The following MZT2B variants were observed in gnomAD, a reference collection of about 807,000 sequenced individuals.
MZT2B encodes the protein mitotic-spindle organizing protein 2B.
In MZT2B, 11 loss-of-function variants were observed where a neutral mutation model predicts 12.1. The observed-to-expected ratio is 0.91, with a 90% CI of 0.57 to 1.50. MZT2B has a LOEUF of 1.50. MZT2B is among the 40% of genes most tolerant of loss of function. The pLI is 0.00. For missense variants in MZT2B, 209 were observed against 227.7 expected (o/e 0.92, Z 0.53); for synonymous variants, 85 against 109.5 (o/e 0.78, Z 1.40).
intron 2 of MZT2B, among the ~76,000 whole-genome samples, chr2:130,188,911 T>A (rs150282609): frequency 6.6e-6 from 1 of 152,134 alleles, no homozygotes; most frequent in East Asian, 1.9e-4. Flanking sequence ...GCATCTTTTC[T>A]CCAGGAATCC....
At chr2:130,192,038 C>T (rs1404400073), downstream of MZT2B, 15 of 1,614,020 alleles carry the variant, frequency 9.3e-6, no homozygotes, top group African/African-American at 5.3e-5. Context: ...CCGCAATGGC[C>T]GTGGTGTTGC....
the MZT2B span, chr2:130,196,268 A>G: frequency 6.2e-7 from 1 of 1,614,050 alleles, no homozygotes; most frequent in Non-Finnish European, 8.5e-7. Flanking sequence ...ATCACTTGGC[A>G]TTTGACCATC....
chr2:130,194,874 C>T (rs1459695516), downstream of MZT2B, among the ~76,000 whole-genome samples: 1 of 152,148 alleles, frequency 6.6e-6, no homozygotes, highest in African/African-American at 2.4e-5. Flanking sequence ...CATAGAGTTT[C>T]ACCATGTAGG....
At position 130,182,787 on chromosome 2, in the gene MZT2B, G is replaced by T. The variant is rs1271399943; in HGVS notation, c.319+12G>T. On this transcript the variant is annotated intron_variant, in intron 2 of 2. Coordinates refer to ENST00000281871, the MANE Select transcript of MZT2B (RefSeq NM_025029.5). ...GCCCGAGACCCGAGGTCAGAGCTGGGCCCGCTGTCCCTGCCCCAGTGGCGG... is the reference window on the plus strand; with the variant it reads ...GCCCGAGACCCGAGGTCAGAGCTGGTCCCGCTGTCCCTGCCCCAGTGGCGG... 6.8e-7 allele frequency: 1 copy of T among 1,463,910 alleles called. No individual in the cohort carries two copies. Among genetic ancestry groups the T allele is most frequent in the Non-Finnish European group, 9.1e-7 (1 of 1,101,868 alleles). 90.7% of individuals were successfully genotyped at this position (1,463,910 alleles called of 1,614,324 possible).
At chr2:130,202,459 G>A in the MZT2B span, 3 of 1,280,188 alleles carry the variant, frequency 2.3e-6, no homozygotes, top group Non-Finnish European at 3.1e-6. Context: ...TTGGTTCTGG[G>A]TGAGAAAGGC....
downstream of MZT2B, among the ~76,000 whole-genome samples, chr2:130,192,592 A>C (rs559717308): frequency 6.6e-6 from 1 of 152,334 alleles, no homozygotes; most frequent in African/African-American, 2.4e-5. Flanking sequence ...GTAGCAGATC[A>C]TGGGTCAAGA....
downstream of MZT2B, chr2:130,192,087 C>G: frequency 6.2e-7 from 1 of 1,606,494 alleles, no homozygotes. Flanking sequence ...GGCCAGGTCT[C>G]CCCCGGGGAC....
chr2:130,182,026 G>A (rs1472867407), upstream of MZT2B: 2 of 1,351,668 alleles, frequency 1.5e-6, no homozygotes, highest in Non-Finnish European at 1.9e-6. Flanking sequence ...CTATCAGGGA[G>A]GCCCAGATCG....
At chr2:130,194,586 T>A, downstream of MZT2B, 1 of 1,227,162 alleles carries the variant, frequency 8.1e-7, no homozygotes, top group Non-Finnish European at 1.1e-6. Flanking sequence ...TCATCCATAA[T>A]AAACATGCAA....
chr2:130,182,154 C>T (rs983461661), upstream of MZT2B: 6 of 1,260,286 alleles, frequency 4.8e-6, no homozygotes, highest in Non-Finnish European at 6.0e-6. Flanking sequence ...GCGGCCCCGT[C>T]CCCGCGCTCC....
the MZT2B span, among the ~76,000 whole-genome samples, chr2:130,201,979 C>T: frequency 1.1e-4 from 16 of 152,152 alleles, no homozygotes; most frequent in Non-Finnish European, 2.2e-4. Flanking sequence ...TTATATGCTA[C>T]GTGACTGCAA....
chr2:130,198,568 G>T, the MZT2B span: 1 of 555,462 alleles, frequency 1.8e-6, no homozygotes, highest in Non-Finnish European at 2.9e-6. Context: ...CGTGTAGTGG[G>T]GATGCTCTCT....
the MZT2B span, among the ~76,000 whole-genome samples, chr2:130,198,821 C>G: frequency 8.1e-6 from 1 of 123,842 alleles, no homozygotes; most frequent in East Asian, 2.6e-4. Context: ...TTGCCGCCAT[C>G]TACCCAAGTC....
Position 130,190,472 on chromosome 2 carries a change from G to C in MZT2B, c.323G>C (p.Arg108Thr), listed in dbSNP as rs1241897214. 3 of 1,613,328 alleles carry C rather than the reference G, an allele frequency of 1.9e-6. No homozygotes were observed. Among genetic ancestry groups the C allele is most frequent in the Non-Finnish European group, 2.5e-6 (3 of 1,179,688 alleles). The change falls in exon 3 of 3, where the codon AGA (arginine) becomes ACA (threonine). Residue 108 changes from arginine (R) to threonine (T), a missense_variant. By Grantham distance (71) the Arg-to-Thr change is moderately conservative. Transcript: ENST00000281871. ...PTSSVPETRG[R>T]NKGSAALGGA... ...ATTGTGCTTTGTGTCTCCTCAGGGAGAAACAAAGGCAGCGCTGCCCTCGGG... is the reference window on the plus strand; with the variant it reads ...ATTGTGCTTTGTGTCTCCTCAGGGACAAACAAAGGCAGCGCTGCCCTCGGG...
At chr2:130,182,064 A>T, upstream of MZT2B, 1 of 1,347,462 alleles carries the variant, frequency 7.4e-7, no homozygotes, top group Non-Finnish European at 9.6e-7. Context: ...GCGGTCCGCC[A>T]TGCCACTCCC....
At chr2:130,183,934 G>T (rs1021523024) in intron 2 of MZT2B, 4 of 1,550,444 alleles carry the variant, frequency 2.6e-6, no homozygotes, top group East Asian at 4.9e-5. Flanking sequence ...GGTTCCCTCC[G>T]CCTCTCTTGC....
chr2:130,193,897 G>A (rs1248403015), downstream of MZT2B: 1 of 1,614,268 alleles, frequency 6.2e-7, no homozygotes, highest in South Asian at 1.1e-5. Context: ...ACAACATGCA[G>A]CAGGCCATGT....
downstream of MZT2B, among the ~76,000 whole-genome samples, chr2:130,194,765 C>T (rs1337647216): frequency 1.3e-5 from 2 of 152,160 alleles, no homozygotes; most frequent in African/African-American, 4.8e-5. Flanking sequence ...GCAACCTCCA[C>T]CTTCCGAGTT....
chr2:130,187,277 A>G (rs1690102411), intron 2 of MZT2B, among the ~76,000 whole-genome samples: 1 of 151,874 alleles, frequency 6.6e-6, no homozygotes. Flanking sequence ...TGCAGCTTCA[A>G]CCTCGTGGGC....
Sources: allele counts gnomAD v4.1 joint callset (sites outside exome capture counted in the v4.1 genomes callset), GRCh38; gene constraint gnomAD v4.1.1; transcripts MANE v1.5; gene names NCBI Gene and HGNC (gene_info 2026-07-23, HGNC 2026-07-21).